Variants in CACNA2D3 observed in about 807,000 individuals in gnomAD.
CACNA2D3 encodes the protein voltage-dependent calcium channel subunit alpha-2/delta-3.
In CACNA2D3, 60 loss-of-function variants were observed where a neutral mutation model predicts 160.6. The observed-to-expected ratio is 0.37, with a 90% confidence interval of 0.30 to 0.46. The LOEUF (loss-of-function observed/expected upper bound fraction) is 0.46. Among genes scored for constraint, CACNA2D3 ranks in the 20% least tolerant of loss-of-function variants. The pLI is 1.00. For missense variants in CACNA2D3, 1,205 were observed against 1,365.0 expected (o/e 0.88, Z 1.85); for synonymous variants, 558 against 492.9 (o/e 1.13, Z -1.75).
At chr3:54,605,866 A>G (rs369905720) in intron 9 of CACNA2D3, among the ~76,000 whole-genome samples, 3 of 152,320 alleles carry the variant, frequency 2.0e-5, no homozygotes, top group African/African-American at 7.2e-5. Flanking sequence ...TATAGGAGAA[A>G]TCATTTCATA....
Position 54,569,858 on chromosome 3 carries a change from A to G in CACNA2D3, c.737+3A>G. On this transcript the variant is annotated splice_donor_region_variant and intron_variant, in intron 7 of 37. Transcript: ENST00000474759. Reference sequence around the variant, plus strand: ...TTCGACTGCAGGAACCGAAAATGGTAGGCAGTGGTCAGACCTCTTTGTTAT... The same window carrying G: ...TTCGACTGCAGGAACCGAAAATGGTGGGCAGTGGTCAGACCTCTTTGTTAT... 6.2e-7 allele frequency: 1 copy of G among 1,610,224 alleles called. No individual in the cohort carries two copies. The highest frequency in any genetic ancestry group is 8.5e-7 in the Non-Finnish European group (1 of 1,177,918).
chr3:54,352,889 GT>G (rs1559458360), intron 3 of CACNA2D3, among the ~76,000 whole-genome samples: 1 of 152,128 alleles, frequency 6.6e-6, no homozygotes, highest in African/African-American at 2.4e-5. Context: ...TGGGTACATA[GT>G]AGGTGTAAAT....
intron 2 of CACNA2D3, among the ~76,000 whole-genome samples, chr3:54,235,548 C>T (rs1171762236): frequency 6.6e-6 from 1 of 152,168 alleles, no homozygotes; most frequent in African/African-American, 2.4e-5. Flanking sequence ...GGTACTAAAC[C>T]ATTCATGAGA....
At chr3:54,280,060 G>A (rs1172790618) in intron 2 of CACNA2D3, among the ~76,000 whole-genome samples, 5 of 148,870 alleles carry the variant, frequency 3.4e-5, no homozygotes, top group East Asian at 2.0e-4. Flanking sequence ...TTGTTTGTTT[G>A]TTTGTTTGTT....
chr3:54,820,440 A>C (rs1443863938), intron 14 of CACNA2D3, among the ~76,000 whole-genome samples: 2 of 152,330 alleles, frequency 1.3e-5, no homozygotes, highest in South Asian at 2.1e-4. Context: ...GTTTGAAAAA[A>C]AATATTATTT....
chr3:54,595,333 T>G lies in CACNA2D3; in HGVS notation c.963+13456T>G, dbSNP rs549534938. ...TGTGTGGTGTGTGTGTGTGTGTGTG[T>G]GTGTGTGTGTGTGTGTGTGTGTATG... On this transcript the variant is annotated intron_variant, in intron 9 of 37. Coordinates refer to ENST00000474759, the MANE Select transcript of CACNA2D3 (RefSeq NM_018398.3). 1.7e-3 allele frequency among the ~76,000 whole-genome samples: 259 copies of G among 151,528 alleles called. 1 individual carries two copies. Among genetic ancestry groups the G allele is most frequent in the African/African-American group, 3.7e-3 (153 of 41,302 alleles).
At chr3:54,839,174 C>T (rs1698764944) in intron 16 of CACNA2D3, among the ~76,000 whole-genome samples, 1 of 152,106 alleles carries the variant, frequency 6.6e-6, no homozygotes, top group South Asian at 2.1e-4. Flanking sequence ...AGGAGAATGG[C>T]GTGAACCTAG....
At chr3:55,023,105 C>T (rs1398023120) in intron 35 of CACNA2D3, among the ~76,000 whole-genome samples, 3 of 152,040 alleles carry the variant, frequency 2.0e-5, no homozygotes, top group Non-Finnish European at 4.4e-5. Flanking sequence ...TTAGTATGTA[C>T]TCAACAGTGA....
chr3:54,172,093 C>T (rs1009974289), intron 2 of CACNA2D3, among the ~76,000 whole-genome samples: 2 of 152,198 alleles, frequency 1.3e-5, no homozygotes, highest in African/African-American at 2.4e-5. Context: ...CACAGAAGAG[C>T]GGTCCTTTGC....
chr3:54,503,353 A>G, intron 4 of CACNA2D3, 139 bp from the exon 5 acceptor site: 2 of 693,310 alleles, frequency 2.9e-6, no homozygotes, highest in Non-Finnish European at 5.0e-6. Context: ...CATGGACAGT[A>G]CATAAGACAT....
At chr3:54,206,565 G>A (rs1160041030) in intron 2 of CACNA2D3, among the ~76,000 whole-genome samples, 1 of 152,110 alleles carries the variant, frequency 6.6e-6, no homozygotes, top group Admixed American at 6.5e-5. Context: ...ACCCTGCCGC[G>A]ACCCAACCTT....
chr3:54,730,083 A>G (rs1225992019), intron 11 of CACNA2D3, among the ~76,000 whole-genome samples: 1 of 151,704 alleles, frequency 6.6e-6, no homozygotes, highest in Admixed American at 6.6e-5. Flanking sequence ...CCAAATATGT[A>G]TTGGAAGTTT....
At chr3:54,313,440 T>C (rs1265989669) in intron 2 of CACNA2D3, among the ~76,000 whole-genome samples, 1 of 152,126 alleles carries the variant, frequency 6.6e-6, no homozygotes, top group East Asian at 1.9e-4. Context: ...ACAGACCTGA[T>C]CACTGATCCC....
intron 29 of CACNA2D3, among the ~76,000 whole-genome samples, chr3:54,982,494 G>A (rs1702528834): frequency 1.3e-5 from 2 of 152,014 alleles, no homozygotes; most frequent in Admixed American, 1.3e-4. Flanking sequence ...TTTGGGTTGG[G>A]GGTCTCTTCA....
At chr3:54,232,932 T>C (rs1701803021) in intron 2 of CACNA2D3, among the ~76,000 whole-genome samples, 1 of 152,216 alleles carries the variant, frequency 6.6e-6, no homozygotes, top group South Asian at 2.1e-4. Context: ...TCATGATTAG[T>C]TTAACCCATC....
At chr3:54,292,170 A>G (rs1703223709) in intron 2 of CACNA2D3, among the ~76,000 whole-genome samples, 2 of 152,218 alleles carry the variant, frequency 1.3e-5, no homozygotes, top group African/African-American at 2.4e-5. Flanking sequence ...AAATGAGTCA[A>G]AAAACCTAAA....
chr3:54,667,939 C>A (rs1575414498), intron 11 of CACNA2D3, among the ~76,000 whole-genome samples: 1 of 63,492 alleles, frequency 1.6e-5, no homozygotes, highest in African/African-American at 4.7e-5. Context: ...AGAATGAGAC[C>A]CCCATCTCAA....
chr3:54,992,843 A>C (rs1318596), intron 31 of CACNA2D3, among the ~76,000 whole-genome samples: 34,096 of 151,738 alleles, frequency 0.22, 3,964 homozygotes, highest in East Asian at 0.34. Flanking sequence ...AAAGAGGTTT[A>C]ATTGACTCAC....
chr3:55,056,213 A>G (rs779937470), intron 35 of CACNA2D3, among the ~76,000 whole-genome samples: 1 of 152,196 alleles, frequency 6.6e-6, no homozygotes, highest in Non-Finnish European at 1.5e-5. Flanking sequence ...CATGTTCAAT[A>G]TTAGTAATCA....
Sources: gnomAD v4.1 joint callset for allele counts (sites outside exome capture counted in the v4.1 genomes callset) on GRCh38, gnomAD v4.1.1 for gene constraint, MANE v1.5 for transcripts, NCBI Gene and HGNC (gene_info 2026-07-23, HGNC 2026-07-21) for gene names.